The following XXYLT1 variants were observed in gnomAD, a reference collection of about 807,000 sequenced individuals.
The protein encoded by XXYLT1 is xyloside xylosyltransferase 1, also known as UDP-xylose:alpha-xyloside alpha-1,3-xylosyltransferase.
In XXYLT1, 20 loss-of-function variants were observed where a neutral mutation model predicts 28.9. That is an observed-to-expected ratio of 0.69 (90% CI 0.49 to 1.00). The LOEUF (loss-of-function observed/expected upper bound fraction) is 1.00, where lower values mean the gene tolerates loss of function less well. Ranked by LOEUF, XXYLT1 falls within the 50% of genes least tolerant of loss-of-function variation. The pLI is 0.00. For missense variants in XXYLT1, 542 were observed against 560.1 expected, an observed-to-expected ratio of 0.97 and a Z score of 0.33; for synonymous variants, 257 against 253.8, an observed-to-expected ratio of 1.01 and a Z score of -0.12.
chr3:195,230,151 TCATATA>T (rs2108807115), intron 1 of XXYLT1, among the ~76,000 whole-genome samples: 1 of 152,340 alleles, frequency 6.6e-6, no homozygotes, highest in South Asian at 2.1e-4. Flanking sequence ...GAGCACCTTT[TCATATA>T]CATGTTTGCC....
At chr3:195,243,689 T>G (rs571947643) in intron 1 of XXYLT1, among the ~76,000 whole-genome samples, 1 of 152,290 alleles carries the variant, frequency 6.6e-6, no homozygotes, top group African/African-American at 2.4e-5. Context: ...GAGCTCACTT[T>G]GAAAACAAAG....
Position 195,135,213 on chromosome 3 carries a change from G to A in XXYLT1, c.785+21236C>T, listed in dbSNP as rs116571429. 3.7e-3 allele frequency among the ~76,000 whole-genome samples: 568 copies of A among 152,296 alleles called. 4 individuals carry two copies. Among genetic ancestry groups the A allele is most frequent in the African/African-American group, 0.012 (517 of 41,560 alleles). ...CTGCAGGCGGAATCCAACATGAGGC[G>A]AGATACCCTCGGTGTCCCTCCCATT... On this transcript the variant is annotated intron_variant, in intron 3 of 3. Coordinates refer to ENST00000310380, the MANE Select transcript of XXYLT1 (RefSeq NM_152531.5).
intron 2 of XXYLT1, among the ~76,000 whole-genome samples, chr3:195,169,928 C>G (rs1008609079): frequency 6.6e-6 from 1 of 150,392 alleles, no homozygotes; most frequent in Admixed American, 6.6e-5. Context: ...TGTAATGGCA[C>G]GATCTCGGCT....
In XXYLT1 at chr3:195,129,634, G is replaced by A. The variant is rs1718803446; in HGVS notation, c.785+26815C>T. On this transcript the variant is annotated intron_variant, in intron 3 of 3. Coordinates refer to ENST00000310380, the MANE Select transcript of XXYLT1 (RefSeq NM_152531.5). The surrounding 1 kb of genome is among the most constrained non-coding windows in gnomAD (Gnocchi z 4.4). The stretch of plus-strand genomic sequence containing the variant: ...CCATTCATCAGTTGATAGACATTTG[G>A]TGATTTCCACCTTTTGGCTATTATG... Among the ~76,000 whole-genome samples the A allele has an allele frequency of 6.6e-6, 1 of 152,108 alleles. No homozygotes were observed. The highest frequency in any genetic ancestry group is 2.1e-4 in the South Asian group (1 of 4,832).
At chr3:195,081,731 A>G (rs1392817979) in intron 3 of XXYLT1, among the ~76,000 whole-genome samples, 1 of 152,218 alleles carries the variant, frequency 6.6e-6, no homozygotes. Flanking sequence ...CAGATGAGAT[A>G]AGGAAAGCCA....
intron 2 of XXYLT1, among the ~76,000 whole-genome samples, chr3:195,202,424 CTG>C (rs1245875137): frequency 7.7e-6 from 1 of 129,892 alleles, no homozygotes; most frequent in African/African-American, 3.0e-5. Flanking sequence ...AAAAAAAAAA[CTG>C]ACAGTAACCT....
chr3:195,134,854 TGTGTGTGTGTGTGTGCGTGTGC>T (rs1186187392), intron 3 of XXYLT1, among the ~76,000 whole-genome samples: 15 of 128,428 alleles, frequency 1.2e-4, no homozygotes, highest in African/African-American at 4.0e-4. Context: ...TGTGTGTGTG[TGTGTGTGTGTGTGTGCGTGTGC>T]GCGCGTGCGC....
At chr3:195,200,103 AT>A (rs1253436770) in intron 2 of XXYLT1, among the ~76,000 whole-genome samples, 1 of 152,208 alleles carries the variant, frequency 6.6e-6, no homozygotes, top group Non-Finnish European at 1.5e-5. Context: ...CACATTTCCC[AT>A]AAAGATCTTT....
chr3:195,171,550 G>C (rs1050001006), intron 2 of XXYLT1, among the ~76,000 whole-genome samples: 1 of 152,172 alleles, frequency 6.6e-6, no homozygotes, highest in Non-Finnish European at 1.5e-5. Flanking sequence ...ACCTTATCCA[G>C]GCAGGTGGTA....
At chr3:195,246,871 C>T (rs1174956206) in intron 1 of XXYLT1, among the ~76,000 whole-genome samples, 1 of 152,184 alleles carries the variant, frequency 6.6e-6, no homozygotes, top group Non-Finnish European at 1.5e-5. Flanking sequence ...GAGAGCCAGT[C>T]CCAGACTCCC....
At chr3:195,211,274 A>G (rs1474814380) in intron 2 of XXYLT1, among the ~76,000 whole-genome samples, 1 of 152,152 alleles carries the variant, frequency 6.6e-6, no homozygotes, top group Non-Finnish European at 1.5e-5. Flanking sequence ...CACGCCTGTA[A>G]TCCCAGCTAC....
intron 1 of XXYLT1, 89 bp from the exon 2 acceptor site, chr3:195,226,945 A>C: frequency 6.7e-7 from 1 of 1,495,002 alleles, no homozygotes; most frequent in South Asian, 1.3e-5. Context: ...CCACAGAGGC[A>C]GAGGCAGACA....
chr3:195,164,752 T>C (rs1469968918), intron 2 of XXYLT1, among the ~76,000 whole-genome samples: 1 of 152,264 alleles, frequency 6.6e-6, no homozygotes, highest in Non-Finnish European at 1.5e-5. Flanking sequence ...TGTGTGACCA[T>C]GACCTTGTTC....
At chr3:195,146,430 C>T (rs761026537) in intron 3 of XXYLT1, among the ~76,000 whole-genome samples, 3 of 152,236 alleles carry the variant, frequency 2.0e-5, no homozygotes, top group South Asian at 2.1e-4. Context: ...GCCCATCATC[C>T]GCCGCTGTGC....
At chr3:195,158,485 G>T (rs1200366434) in intron 2 of XXYLT1, among the ~76,000 whole-genome samples, 2 of 152,244 alleles carry the variant, frequency 1.3e-5, no homozygotes, top group Admixed American at 1.3e-4. Context: ...AGTAAACCCA[G>T]AAAGGTCCTA....
At chr3:195,135,364 G>C (rs373097909) in intron 3 of XXYLT1, among the ~76,000 whole-genome samples, 1 of 152,200 alleles carries the variant, frequency 6.6e-6, no homozygotes, top group East Asian at 1.9e-4. Flanking sequence ...GACTGGACCC[G>C]AGGCACCTGA....
At chr3:195,191,542 T>A (rs1722418365) in intron 2 of XXYLT1, among the ~76,000 whole-genome samples, 2 of 152,256 alleles carry the variant, frequency 1.3e-5, no homozygotes, top group Admixed American at 6.5e-5. Flanking sequence ...TATTTAACTT[T>A]GGGGGAAGTC....
intron 1 of XXYLT1, among the ~76,000 whole-genome samples, chr3:195,264,483 C>G (rs145895311): frequency 6.6e-6 from 1 of 152,234 alleles, no homozygotes; most frequent in South Asian, 2.1e-4. Context: ...CCTGGCCACC[C>G]GTGCACCACG....
Position 195,150,706 on chromosome 3 carries a change from A to C in XXYLT1, c.785+5743T>G, listed in dbSNP as rs62285218. On this transcript the variant is annotated intron_variant, in intron 3 of 3. Transcript: ENST00000310380. The surrounding 1 kb of genome is among the most constrained non-coding windows in gnomAD (Gnocchi z 4.7). ...CCTATGCCGCCACCAACAAGCTCCC[A>C]TTCAGAGGATCCTCAGGCGGCCAGC... Among the ~76,000 whole-genome samples, 26,753 of 152,100 alleles carry C rather than the reference A, an allele frequency of 0.18. 2,940 individuals carry two copies. Among genetic ancestry groups the C allele is most frequent in the East Asian group, 0.57 (2,928 of 5,160 alleles).
Sources: gnomAD v4.1 joint callset for allele counts (sites outside exome capture counted in the v4.1 genomes callset) on GRCh38, gnomAD v4.1.1 for gene constraint, Gnocchi (gnomAD v3.1) non-coding constraint, MANE v1.5 for transcripts, NCBI Gene and HGNC (gene_info 2026-07-23, HGNC 2026-07-21) for gene names.